RNF126: variants seen among roughly 807,000 people sequenced by gnomAD.
The protein encoded by RNF126 is E3 ubiquitin-protein ligase RNF126.
In RNF126, 20 loss-of-function variants were observed where a neutral mutation model predicts 41.9. That is an observed-to-expected ratio of 0.48 (90% CI 0.34 to 0.69). RNF126 has a LOEUF of 0.69. Ranked by LOEUF, RNF126 falls within the 30% of genes least tolerant of loss-of-function variation. The pLI is 0.01. For synonymous variants in RNF126, 239 were observed against 202.9 expected (o/e 1.18, Z -1.51); for missense variants, 433 against 460.6 (o/e 0.94, Z 0.55).
intron 2 of RNF126, chr19:652,514 C>T (rs908943481): frequency 8.3e-6 from 5 of 605,132 alleles, no homozygotes; most frequent in Non-Finnish European, 1.5e-5. Context: ...CCAACAGCCT[C>T]CTAAGCGTGA....
intron 1 of RNF126, among the ~76,000 whole-genome samples, 177 bp downstream of exon 1, chr19:662,870 C>A (rs1294217110): frequency 1.3e-5 from 2 of 152,066 alleles, no homozygotes; most frequent in African/African-American, 4.8e-5. Flanking sequence ...GGTTCGCGCG[C>A]GCACCGCCCG....
chr19:652,370 AGCCTATGTTGG>A (rs2030352187), intron 2 of RNF126, 74 bp from the exon 3 acceptor site: 4 of 1,293,544 alleles, frequency 3.1e-6, no homozygotes, highest in Admixed American at 2.6e-5. Flanking sequence ...TCCCCTCAAA[AGCCTATGTTGG>A]GAGAGCAGGA....
chr19:663,052 G>A lies in RNF126; in HGVS notation c.70C>T (p.Leu24=). ...HCCSVEIVPR[L]PDYICPRCES... Reference sequence around the variant, plus strand: ...CGCCCCGGCCCGGGCCTCACCGGCAGGCGCGGGACGATCTCCACGGAGCAG... The same window carrying A: ...CGCCCCGGCCCGGGCCTCACCGGCAAGCGCGGGACGATCTCCACGGAGCAG... Residue 24 remains leucine, a synonymous_variant, in exon 1 of 9, where the codon CTG becomes TTG. Coordinates refer to ENST00000292363, the MANE Select transcript of RNF126 (RefSeq NM_194460.3). 1 of 1,373,832 alleles carries A rather than the reference G, an allele frequency of 7.3e-7. No homozygotes were observed. Among genetic ancestry groups the A allele is most frequent in the Non-Finnish European group, 9.4e-7 (1 of 1,058,536 alleles). 85.1% of individuals were successfully genotyped at this position (1,373,832 alleles called of 1,614,324 possible). A position where few individuals can be genotyped will look rare whatever the true frequency, so the allele number is the denominator to read the frequency against.
intron 1 of RNF126, among the ~76,000 whole-genome samples, chr19:657,984 G>A (rs928196608): frequency 6.6e-5 from 10 of 152,086 alleles, no homozygotes; most frequent in African/African-American, 1.7e-4. Flanking sequence ...GGGGCCTGGT[G>A]AAGGAGCTGC....
At chr19:655,884 G>T (rs545579915) in intron 1 of RNF126, among the ~76,000 whole-genome samples, 17 of 152,184 alleles carry the variant, frequency 1.1e-4, no homozygotes, top group East Asian at 1.9e-4. Flanking sequence ...GCCACGGCGG[G>T]GGGGAGGGGG....
intron 1 of RNF126, 48 bp downstream of exon 1, chr19:662,999 G>C: frequency 9.4e-7 from 1 of 1,064,606 alleles, no homozygotes. Context: ...CCTTGCCTCA[G>C]GCCTGCGGCG....
rs1412869630 is a variant in RNF126, at chr19:647,889, G to A, written c.*239C>T. On this transcript the variant is annotated 3_prime_UTR_variant, in exon 9 of 9. Coordinates refer to ENST00000292363, the MANE Select transcript of RNF126 (RefSeq NM_194460.3). ...CTTTCCACCGCTGAACGTTTAGAGG[G>A]TGAGGTTAGACAGAGGACGGGGAGG... The A allele has an allele frequency of 1.7e-5, 11 of 656,818 alleles. No individual in the cohort carries two copies. Among genetic ancestry groups the A allele is most frequent in the African/African-American group, 3.6e-5 (2 of 55,008 alleles). The allele number at this position is 656,818 out of a possible 1,614,324, so 40.7% of individuals were successfully genotyped here.
At chr19:657,954 G>C (rs1390693515) in intron 1 of RNF126, among the ~76,000 whole-genome samples, 1 of 152,116 alleles carries the variant, frequency 6.6e-6, no homozygotes, top group African/African-American at 2.4e-5. Context: ...GGCAGCTGCA[G>C]GTAGAAACGC....
chr19:651,338 C>G (rs2144759613), intron 4 of RNF126: 1 of 331,280 alleles, frequency 3.0e-6, no homozygotes, highest in South Asian at 9.0e-5. Flanking sequence ...CGTTTGACGA[C>G]ACGCGTGTGG....
rs1343765540 is a variant in RNF126 at position 648,200 on chromosome 19, C to T, written c.864G>A (p.Val288=). ...ACGATGACGACGAGGAGGAGAAGCTCACCCCAGTGAGGCCAGGGGGGTTCG... is the reference window on the plus strand; with the variant it reads ...ACGATGACGACGAGGAGGAGAAGCTTACCCCAGTGAGGCCAGGGGGGTTCG... The part of the protein sequence containing the change: ...TATNPPGLTG[V]SFSSSSSSSS... The change falls in exon 9 of 9, where the codon GTG becomes GTA. Residue 288 remains valine, a synonymous_variant. Transcript: ENST00000292363. 6.8e-6 allele frequency: 11 copies of T among 1,606,694 alleles called. No homozygotes were observed. The highest frequency in any genetic ancestry group is 8.5e-6 in the Non-Finnish European group (10 of 1,176,290).
At chr19:662,845 G>A (rs545016269) in intron 1 of RNF126, among the ~76,000 whole-genome samples, 4 of 152,020 alleles carry the variant, frequency 2.6e-5, no homozygotes, top group African/African-American at 7.2e-5. Flanking sequence ...TCAGTCTCCC[G>A]CATGTACAGG....
Position 650,488 on chromosome 19 carries a change from G to C in RNF126, c.444-192C>G, listed in dbSNP as rs148889056. ...GCAGGAGAGAAGCAGCTTGATCTTG[G>C]TTCACTGCAGCCCCAACCTGCTGGG... On this transcript the variant is annotated intron_variant, in intron 4 of 8. Transcript: ENST00000292363. The C allele has an allele frequency of 5.5e-4, 291 of 526,094 alleles. 1 individual carries two copies. The highest frequency in any genetic ancestry group is 4.3e-3 in the African/African-American group (222 of 51,260). 32.6% of individuals were successfully genotyped at this position (526,094 alleles called of 1,614,324 possible). A position where few individuals can be genotyped will look rare whatever the true frequency, so the allele number is the denominator to read the frequency against.
intron 4 of RNF126, 78 bp downstream of exon 4, chr19:651,533 C>G (rs2030286508): frequency 1.5e-6 from 2 of 1,326,510 alleles, no homozygotes; most frequent in Non-Finnish European, 1.9e-6. Flanking sequence ...TTCCGTGGAA[C>G]CCGTGCTGGA....
chr19:649,609 GGGGCAGCTCCCAGGGGT>G (rs1299312471), intron 6 of RNF126, 53 bp downstream of exon 6: 2 of 1,284,756 alleles, frequency 1.6e-6, no homozygotes, highest in African/African-American at 3.0e-5. Flanking sequence ...TCCAGGCAGT[GGGGCAGCTCCCAGGGGT>G]GGGCAGCCCA....
intron 1 of RNF126, among the ~76,000 whole-genome samples, chr19:655,878 C>T (rs376245439): frequency 1.3e-5 from 2 of 152,010 alleles, no homozygotes; most frequent in Non-Finnish European, 2.9e-5. Flanking sequence ...GACCAGGCCA[C>T]GGCGGGGGGG....
At chr19:651,014 C>G (rs569682312) in intron 4 of RNF126, among the ~76,000 whole-genome samples, 3 of 152,306 alleles carry the variant, frequency 2.0e-5, no homozygotes, top group Admixed American at 2.0e-4. Flanking sequence ...CAGCACTGAG[C>G]CACCGTGCCT....
chr19:655,501 TG>T (rs138235228), intron 1 of RNF126, among the ~76,000 whole-genome samples: 6,166 of 143,582 alleles, frequency 0.043, 357 homozygotes, highest in African/African-American at 0.13. Flanking sequence ...AAAAGAAAAG[TG>T]GGGGGGGAAA....
At chr19:656,029 G>A (rs926049517) in intron 1 of RNF126, among the ~76,000 whole-genome samples, 2 of 152,092 alleles carry the variant, frequency 1.3e-5, no homozygotes, top group African/African-American at 4.8e-5. Context: ...TGAGCACCAG[G>A]GCCTGGGGGA....
chr19:658,683 A>C (rs893861531), intron 1 of RNF126, among the ~76,000 whole-genome samples: 1 of 152,146 alleles, frequency 6.6e-6, no homozygotes, highest in Non-Finnish European at 1.5e-5. Context: ...CACTCCCAAG[A>C]CAAGCTGGAT....
Sources: gnomAD v4.1 joint callset for allele counts (sites outside exome capture counted in the v4.1 genomes callset) on GRCh38, gnomAD v4.1.1 for gene constraint, MANE v1.5 for transcripts, NCBI Gene and HGNC (gene_info 2026-07-23, HGNC 2026-07-21) for gene names.